Variants in PI4KB observed in about 807,000 individuals in gnomAD.
The protein encoded by PI4KB is phosphatidylinositol 4-kinase beta, also known as PtdIns 4-kinase beta.
Under a neutral mutation model 81.4 loss-of-function variants are expected in PI4KB, and 23 were observed. That is an observed-to-expected ratio of 0.28 (90% confidence interval 0.20 to 0.40). The LOEUF (loss-of-function observed/expected upper bound fraction) is 0.40. Among genes scored for constraint, PI4KB ranks in the 10% least tolerant of loss-of-function variants. The probability of loss-of-function intolerance (pLI) is 1.00; values close to 1 mark genes in which losing one functional copy is unlikely to be tolerated. For synonymous variants in PI4KB, 381 were observed against 406.8 expected (o/e 0.94, Z 0.76); for missense variants, 651 against 1,036.6 (o/e 0.63, Z 5.11).
chr1:151,296,752 G>T (rs1210002902), intron 9 of PI4KB, among the ~76,000 whole-genome samples: 1 of 150,714 alleles, frequency 6.6e-6, no homozygotes, highest in Non-Finnish European at 1.5e-5. Context: ...TTACAGGCGT[G>T]AGCCACCACA....
chr1:151,305,313 C>T (rs1571170818), intron 5 of PI4KB, among the ~76,000 whole-genome samples: 1 of 152,306 alleles, frequency 6.6e-6, no homozygotes, highest in Admixed American at 6.5e-5. Flanking sequence ...CTCTTCATGC[C>T]CCAGAATAAA....
chr1:151,294,276 G>A, intron 10 of PI4KB, 133 bp downstream of exon 10: 1 of 1,469,460 alleles, frequency 6.8e-7, no homozygotes, highest in South Asian at 1.3e-5. Context: ...GAAGCTCCCA[G>A]GAACTCCTGC....
At chr1:151,316,570 G>A in intron 1 of PI4KB, 61 bp from the exon 2 acceptor site, 1 of 1,220,932 alleles carries the variant, frequency 8.2e-7, no homozygotes, top group East Asian at 2.7e-5. Flanking sequence ...ATTGGTTAGT[G>A]GTGCCATCCT....
At chr1:151,302,410 G>C in intron 6 of PI4KB, 112 bp from the exon 7 acceptor site, 1 of 737,096 alleles carries the variant, frequency 1.4e-6, no homozygotes, top group Non-Finnish European at 2.4e-6. Flanking sequence ...CACAAAGATA[G>C]GAACCCAGGC....
intron 1 of PI4KB, among the ~76,000 whole-genome samples, chr1:151,324,099 C>T (rs1185347417): frequency 3.9e-5 from 6 of 152,030 alleles, no homozygotes; most frequent in Non-Finnish European, 8.8e-5. Flanking sequence ...TACAGGCACA[C>T]GCCACCACAC....
chr1:151,302,889 C>T (rs12130434), intron 6 of PI4KB, among the ~76,000 whole-genome samples: 46,372 of 150,978 alleles, frequency 0.31, 9,349 homozygotes, highest in Non-Finnish European at 0.46. Flanking sequence ...AGCCTAGAAT[C>T]TGCATTTTCA....
At chr1:151,326,623 G>C (rs1006543907) in intron 1 of PI4KB, among the ~76,000 whole-genome samples, 3 of 152,210 alleles carry the variant, frequency 2.0e-5, no homozygotes, top group African/African-American at 7.2e-5. Context: ...ATGCATCCCA[G>C]AGAAGAGTGA....
At chr1:151,300,095 T>C (rs587599923) in intron 8 of PI4KB, among the ~76,000 whole-genome samples, 10 of 152,366 alleles carry the variant, frequency 6.6e-5, no homozygotes, top group South Asian at 6.2e-4. Flanking sequence ...TTTACAATGA[T>C]TGTGCCACAG....
At chr1:151,293,818 C>G in intron 11 of PI4KB, 200 bp downstream of exon 11, 1 of 568,516 alleles carries the variant, frequency 1.8e-6, no homozygotes, top group Non-Finnish European at 3.0e-6. Context: ...ATCCCCTTCC[C>G]CAGCCTTCTG....
intron 1 of PI4KB, among the ~76,000 whole-genome samples, chr1:151,322,448 C>G (rs1648986520): frequency 1.3e-5 from 2 of 152,164 alleles, no homozygotes. Context: ...CTACTGGCCT[C>G]CATTAAAGGA....
chr1:151,323,615 C>T lies in PI4KB; in HGVS notation c.-29+3656G>A, dbSNP rs561216963. Among the ~76,000 whole-genome samples, 9 of 152,254 alleles carry T rather than the reference C, an allele frequency of 5.9e-5. No individual in the cohort carries two copies. In the East Asian group the frequency reaches 1.7e-3, roughly 29 times the overall value. On this transcript the variant is annotated intron_variant, in intron 1 of 11. Coordinates refer to ENST00000368873, the MANE Select transcript of PI4KB (RefSeq NM_001369623.2). ...TGGCGGGCACCTGTAATCCCAGCTACTCGGGAGGCTGAGGCAGGAGAACTG... is the reference window on the plus strand; with the variant it reads ...TGGCGGGCACCTGTAATCCCAGCTATTCGGGAGGCTGAGGCAGGAGAACTG...
At position 151,292,929 on chromosome 1, in the gene PI4KB, T is replaced by A; in HGVS notation, c.2374A>T (p.Met792Leu). 6.2e-7 allele frequency: 1 copy of A among 1,614,158 alleles called. No homozygotes were observed. The change falls in exon 12 of 12, where the codon ATG (methionine) becomes TTG (leucine). Residue 792 changes from methionine to leucine, a missense_variant. Around this residue, in one of 5 missense-constraint regions of PI4KB, gnomAD observed 70 missense variants for 108.1 expected, o/e 0.65. Transcript: ENST00000368873. ...ATAGACCGCATACTGCCATCCACCATCTGCTCCACCAGCAGCTGCAGCTGC... is the reference window on the plus strand; with the variant it reads ...ATAGACCGCATACTGCCATCCACCAACTGCTCCACCAGCAGCTGCAGCTGC... ...EEQLQLLVEQ[M>L]VDGSMRSITT... is the part of the protein sequence containing the mutation.
At chr1:151,324,954 T>A (rs1649399449) in intron 1 of PI4KB, 6 of 962,588 alleles carry the variant, frequency 6.2e-6, no homozygotes, top group Non-Finnish European at 7.4e-6. Context: ...GAAATATGAT[T>A]TCTGGTTGGG....
chr1:151,293,985 G>A, intron 11 of PI4KB, 33 bp downstream of exon 11: 2 of 1,612,596 alleles, frequency 1.2e-6, no homozygotes, highest in Non-Finnish European at 1.7e-6. Flanking sequence ...GAAGCCTGAG[G>A]CACTATAGCA....
chr1:151,308,092 T>C (rs892494396), intron 3 of PI4KB, among the ~76,000 whole-genome samples: 2 of 152,224 alleles, frequency 1.3e-5, no homozygotes, highest in East Asian at 1.9e-4. Flanking sequence ...CCTTAAGGAC[T>C]GTACCAAGGC....
At position 151,316,235 on chromosome 1, in the gene PI4KB, C is replaced by T; in HGVS notation, c.247G>A (p.Val83Met). 6.2e-7 allele frequency: 1 copy of T among 1,614,226 alleles called. No individual in the cohort carries two copies. The highest frequency in any genetic ancestry group is 1.3e-5 in the African/African-American group (1 of 75,062). ...TPLELVNGDG[V>M]DSEIRCLDDP... ...TCTAGGCAACGGATCTCACTGTCCA[C>T]ACCATCCCCATTGACCAACTCCAGT... Residue 83 changes from valine to methionine, a missense_variant, in exon 2 of 12, where the codon GTG (valine) becomes ATG (methionine). By Grantham distance (21) the Val-to-Met change is conservative. Coordinates refer to ENST00000368873, the MANE Select transcript of PI4KB (RefSeq NM_001369623.2).
At chr1:151,308,621 C>G (rs1020156870) in intron 3 of PI4KB, among the ~76,000 whole-genome samples, 2 of 152,156 alleles carry the variant, frequency 1.3e-5, no homozygotes, top group African/African-American at 4.8e-5. Context: ...GTGAGTTTGG[C>G]TCCTTGTGCT....
intron 11 of PI4KB, chr1:151,293,471 TAGGGGCAGGA>T (rs918332430): frequency 1.7e-6 from 2 of 1,186,348 alleles, no homozygotes; most frequent in African/African-American, 3.4e-5. Context: ...ACCTGTGGGG[TAGGGGCAGGA>T]ATGGGGAGGA....
chr1:151,318,508 T>C (rs1183218518), intron 1 of PI4KB, among the ~76,000 whole-genome samples: 2 of 148,562 alleles, frequency 1.3e-5, no homozygotes, highest in South Asian at 2.1e-4. Flanking sequence ...AGGTCAGGAG[T>C]TCGAGACCAG....
Sources: allele counts gnomAD v4.1 joint callset (sites outside exome capture counted in the v4.1 genomes callset), GRCh38; gene constraint gnomAD v4.1.1; regional missense constraint gnomAD v4.1.1; transcripts MANE v1.5; gene names NCBI Gene and HGNC (gene_info 2026-07-23, HGNC 2026-07-21).